ERG: variants seen among roughly 807,000 people sequenced by gnomAD.
ERG encodes the protein ETS transcription factor ERG, also known as transcriptional regulator ERG.
Under a neutral mutation model 55.3 loss-of-function variants are expected in ERG, and 9 were observed. That is an observed-to-expected ratio of 0.16 (90% CI 0.10 to 0.28). The LOEUF is 0.28. Ranked by LOEUF, ERG falls within the 10% of genes least tolerant of loss-of-function variation. The probability of loss-of-function intolerance (pLI) is 1.00; values close to 1 mark genes in which losing one functional copy is unlikely to be tolerated. For missense variants in ERG, 434 were observed against 631.6 expected (o/e 0.69, Z 3.35); for synonymous variants, 223 against 237.3 (o/e 0.94, Z 0.55).
intron 1 of ERG, among the ~76,000 whole-genome samples, chr21:38,622,444 C>A (rs906639173): frequency 1.3e-5 from 2 of 150,002 alleles, no homozygotes; most frequent in African/African-American, 4.9e-5. Flanking sequence ...ACCCCCCACA[C>A]ATGACATACA....
At chr21:38,391,267 C>T (rs1217056735) in intron 8 of ERG, among the ~76,000 whole-genome samples, 5 of 152,148 alleles carry the variant, frequency 3.3e-5, no homozygotes, top group Admixed American at 2.0e-4. Flanking sequence ...TTGGATTCAA[C>T]CCCAGGATCC....
At chr21:38,593,189 CA>C (rs1371354996) in intron 1 of ERG, among the ~76,000 whole-genome samples, 4 of 152,160 alleles carry the variant, frequency 2.6e-5, no homozygotes, top group African/African-American at 9.7e-5. Context: ...GTGTGGGAAC[CA>C]GGGTCTGCCT....
In ERG at chr21:38,638,359, G is replaced by C. The variant is rs574544872; in HGVS notation, c.-150+23299C>G. Among the ~76,000 whole-genome samples, 28 of 152,324 alleles carry C rather than the reference G, an allele frequency of 1.8e-4. No homozygotes were observed. In the East Asian group the frequency reaches 5.4e-3, roughly 29 times the overall value. ...TCATGATCATCTTATCACTTTGCGT[G>C]CATCTGGCCCTCCTCACTTACAACT... On this transcript the variant is annotated intron_variant, in intron 1 of 10. Coordinates refer to the ERG transcript ENST00000398910.
At chr21:38,443,237 G>C (rs912547526) in intron 2 of ERG, among the ~76,000 whole-genome samples, 1 of 152,196 alleles carries the variant, frequency 6.6e-6, no homozygotes, top group Non-Finnish European at 1.5e-5. Context: ...ACTGGCCCCA[G>C]GCCAGACTCT....
chr21:38,422,310 G>A (rs1989585732), intron 3 of ERG, among the ~76,000 whole-genome samples: 1 of 152,240 alleles, frequency 6.6e-6, no homozygotes, highest in Non-Finnish European at 1.5e-5. Flanking sequence ...TAACAGGAGG[G>A]AACCCACAGA....
At chr21:38,515,730 T>C (rs2059546885) in intron 2 of ERG, among the ~76,000 whole-genome samples, 1 of 151,836 alleles carries the variant, frequency 6.6e-6, no homozygotes, top group Non-Finnish European at 1.5e-5. Context: ...CAGCAAAAGC[T>C]ATCAACAAAA....
intron 1 of ERG, among the ~76,000 whole-genome samples, chr21:38,648,362 G>T (rs558700564): frequency 3.0e-4 from 46 of 152,318 alleles, no homozygotes; most frequent in African/African-American, 1.1e-3. Flanking sequence ...ATCCTTGCTG[G>T]AGAAAGAAAT....
chr21:38,543,589 C>T (rs1277962294), intron 2 of ERG, among the ~76,000 whole-genome samples: 2 of 151,910 alleles, frequency 1.3e-5, no homozygotes, highest in Non-Finnish European at 2.9e-5. Flanking sequence ...GAGCCACAAA[C>T]AAGCAAAATA....
At chr21:38,378,166 C>T (rs969992764), downstream of ERG, among the ~76,000 whole-genome samples, 7 of 152,202 alleles carry the variant, frequency 4.6e-5, no homozygotes, top group Non-Finnish European at 8.8e-5. Flanking sequence ...AGTGAGGCCA[C>T]TAAGCCATCA....
chr21:38,598,108 A>G (rs1444004189), intron 1 of ERG, among the ~76,000 whole-genome samples: 1 of 152,206 alleles, frequency 6.6e-6, no homozygotes, highest in Non-Finnish European at 1.5e-5. Context: ...ACACATAGCA[A>G]GGACTGTAAG....
At chr21:38,572,365 C>CAAAAAA (rs758324053) in intron 2 of ERG, among the ~76,000 whole-genome samples, 4 of 66,980 alleles carry the variant, frequency 6.0e-5, no homozygotes, top group Non-Finnish European at 9.4e-5. Flanking sequence ...GAGACTCCAT[C>CAAAAAA]AAAAAAAAAA....
rs1418368503 is a variant in ERG at position 38,651,575 on chromosome 21, ATG to A, written c.-150+10081_-150+10082del. Among the ~76,000 whole-genome samples, 10 of 152,366 alleles carry A rather than the reference ATG, an allele frequency of 6.6e-5. No homozygotes were observed. The East Asian group carries it at 9.6e-4, about 15-fold the overall frequency. On this transcript the variant is annotated intron_variant, in intron 1 of 10. Transcript: ENST00000398910. ...CATTTGAAATGGTAGTATTTTCAGC[ATG>A]TGTTACATAAATTACATTATTAAAA...
At chr21:38,573,765 C>A (rs1358931180) in intron 2 of ERG, among the ~76,000 whole-genome samples, 1 of 152,192 alleles carries the variant, frequency 6.6e-6, no homozygotes, top group African/African-American at 2.4e-5. Flanking sequence ...GAGCGCCGGT[C>A]CCCTGAGCCC....
At chr21:38,419,294 T>C (rs6517466) in intron 3 of ERG, among the ~76,000 whole-genome samples, 143,898 of 152,314 alleles carry the variant, frequency 0.94, 67,993 homozygotes, top group East Asian at 0.99. Flanking sequence ...ACTGGTTGAA[T>C]GCTTTGCTCA....
At chr21:38,441,339 G>C (rs748958066) in intron 2 of ERG, among the ~76,000 whole-genome samples, 1 of 151,806 alleles carries the variant, frequency 6.6e-6, no homozygotes, top group Non-Finnish European at 1.5e-5. Flanking sequence ...TAAAGGAGAT[G>C]ATGTCAGATA....
intron 5 of ERG, 152 bp from the exon 6 acceptor site, chr21:38,400,797 C>G (rs1264465236): frequency 4.9e-6 from 3 of 608,182 alleles, no homozygotes; most frequent in Non-Finnish European, 8.9e-6. Context: ...CAGACAGGTG[C>G]ACCTGTCAGA....
chr21:38,440,366 GC>G (rs1394940069), intron 2 of ERG, among the ~76,000 whole-genome samples: 1 of 152,230 alleles, frequency 6.6e-6, no homozygotes, highest in Non-Finnish European at 1.5e-5. Context: ...TCATCTGTGA[GC>G]CCCTCCGTGG....
chr21:38,525,378 T>C (rs924639300), intron 2 of ERG, among the ~76,000 whole-genome samples: 3 of 152,208 alleles, frequency 2.0e-5, no homozygotes, highest in African/African-American at 7.2e-5. Flanking sequence ...TAACAGACGA[T>C]GCCTTCCACA....
intron 1 of ERG, among the ~76,000 whole-genome samples, chr21:38,613,750 T>C (rs1311527736): frequency 6.6e-6 from 1 of 152,126 alleles, no homozygotes; most frequent in Non-Finnish European, 1.5e-5. Context: ...CTCATCACGA[T>C]GGGTAAAGAA....
Sources: gnomAD v4.1 joint callset for allele counts (sites outside exome capture counted in the v4.1 genomes callset) on GRCh38, gnomAD v4.1.1 for gene constraint, MANE v1.5 for transcripts, NCBI Gene and HGNC (gene_info 2026-07-23, HGNC 2026-07-21) for gene names.